Variants in SLC4A10 observed in about 807,000 individuals in gnomAD.
The protein encoded by SLC4A10 is sodium-driven chloride bicarbonate exchanger.
Under a neutral mutation model 137.7 loss-of-function variants are expected in SLC4A10, and 42 were observed. The observed-to-expected ratio is 0.30, with a 90% CI of 0.24 to 0.39. The LOEUF (loss-of-function observed/expected upper bound fraction) is 0.39, where lower values mean the gene tolerates loss of function less well. Ranked by LOEUF, SLC4A10 falls within the 10% of genes least tolerant of loss-of-function variation. The pLI, the probability that SLC4A10 is intolerant of heterozygous loss-of-function variation, is 1.00. For synonymous variants in SLC4A10, 474 were observed against 464.1 expected (o/e 1.02, Z -0.27); for missense variants, 925 against 1,355.0 (o/e 0.68, Z 4.98).
At chr2:161,906,899 C>T (rs941625346) in intron 15 of SLC4A10, among the ~76,000 whole-genome samples, 5 of 151,400 alleles carry the variant, frequency 3.3e-5, no homozygotes, top group African/African-American at 1.2e-4. Context: ...CTAAAAAACA[C>T]AAAAAAATTA....
chr2:161,942,723 A>G, intron 15 of SLC4A10, 69 bp from the exon 16 acceptor site: 2 of 1,175,478 alleles, frequency 1.7e-6, no homozygotes, highest in African/African-American at 1.5e-5. Flanking sequence ...TGGAGCCGTT[A>G]TACATTAGTC....
intron 15 of SLC4A10, among the ~76,000 whole-genome samples, chr2:161,925,802 A>T (rs368643281): frequency 6.6e-6 from 1 of 151,784 alleles, no homozygotes; most frequent in African/African-American, 2.4e-5. Context: ...CCTTCATTTC[A>T]TTATGTACCC....
intron 3 of SLC4A10, among the ~76,000 whole-genome samples, chr2:161,809,197 C>T (rs781010636): frequency 7.2e-5 from 11 of 151,948 alleles, no homozygotes; most frequent in Admixed American, 1.3e-4. Context: ...AGTGTCTGTT[C>T]GTGTCCTTTG....
intron 11 of SLC4A10, among the ~76,000 whole-genome samples, chr2:161,895,102 C>A (rs2063323671): frequency 6.8e-6 from 1 of 146,114 alleles, no homozygotes; most frequent in Non-Finnish European, 1.5e-5. Context: ...TGTGATGTTC[C>A]CCTTCCTGTG....
intron 1 of SLC4A10, among the ~76,000 whole-genome samples, chr2:161,626,743 T>G (rs895740634): frequency 6.6e-6 from 1 of 152,162 alleles, no homozygotes; most frequent in South Asian, 2.1e-4. Flanking sequence ...GATCACCCAG[T>G]GATGAAACCA....
intron 6 of SLC4A10, among the ~76,000 whole-genome samples, chr2:161,867,884 A>C (rs191349633): frequency 4.3e-4 from 65 of 151,750 alleles, no homozygotes; most frequent in Admixed American, 4.1e-3. Flanking sequence ...GGCTCATCTC[A>C]TCTCTGTACC....
At chr2:161,672,497 C>T (rs2039841728) in intron 1 of SLC4A10, among the ~76,000 whole-genome samples, 1 of 150,716 alleles carries the variant, frequency 6.6e-6, no homozygotes, top group Admixed American at 6.6e-5. Context: ...TAACAAGACC[C>T]TGTCTAAAAA....
At chr2:161,874,278 TAAA>T (rs985474727) in intron 8 of SLC4A10, among the ~76,000 whole-genome samples, 30 of 152,340 alleles carry the variant, frequency 2.0e-4, no homozygotes, top group African/African-American at 5.3e-4. Flanking sequence ...ATTAACAACA[TAAA>T]GAAGGCATAT....
chr2:161,790,020 T>C (rs2125527533), intron 2 of SLC4A10, among the ~76,000 whole-genome samples: 1 of 152,284 alleles, frequency 6.6e-6, no homozygotes, highest in Non-Finnish European at 1.5e-5. Context: ...GTACAGAAGA[T>C]TAAATGACTT....
chr2:161,829,879 A>G (rs1344929975), intron 3 of SLC4A10, among the ~76,000 whole-genome samples: 5 of 152,070 alleles, frequency 3.3e-5, no homozygotes, highest in Admixed American at 2.0e-4. Context: ...GAGCCAAGCA[A>G]AAGGGGTTTC....
intron 1 of SLC4A10, among the ~76,000 whole-genome samples, chr2:161,722,706 G>T (rs754342345): frequency 3.3e-5 from 5 of 152,198 alleles, no homozygotes; most frequent in Non-Finnish European, 7.3e-5. Flanking sequence ...GGCAGAGCTG[G>T]TGCACTGCTC....
intron 20 of SLC4A10, among the ~76,000 whole-genome samples, chr2:161,958,253 G>A (rs1302342326): frequency 1.3e-5 from 2 of 151,968 alleles, no homozygotes; most frequent in African/African-American, 4.8e-5. Context: ...CAACCCTATT[G>A]TTATCATCTC....
intron 3 of SLC4A10, among the ~76,000 whole-genome samples, chr2:161,816,276 A>C (rs1450086432): frequency 6.6e-6 from 1 of 152,192 alleles, no homozygotes; most frequent in African/African-American, 2.4e-5. Flanking sequence ...CAGGTGCCTC[A>C]AAATTCTTTG....
At chr2:161,919,188 C>A (rs1687688561) in intron 15 of SLC4A10, among the ~76,000 whole-genome samples, 1 of 152,188 alleles carries the variant, frequency 6.6e-6, no homozygotes, top group South Asian at 2.1e-4. Flanking sequence ...CACTGACAAG[C>A]ATGAGATGGA....
At chr2:161,968,159 C>G (rs1247906406) in intron 23 of SLC4A10, among the ~76,000 whole-genome samples, 1 of 152,116 alleles carries the variant, frequency 6.6e-6, no homozygotes, top group East Asian at 1.9e-4. Context: ...TTCAGATTCT[C>G]CTTTTATTTT....
At chr2:161,632,773 T>C (rs947286995) in intron 1 of SLC4A10, among the ~76,000 whole-genome samples, 1 of 151,542 alleles carries the variant, frequency 6.6e-6, no homozygotes, top group African/African-American at 2.4e-5. Flanking sequence ...AAAAAACCTC[T>C]AGGTGATTCT....
chr2:161,894,067 TA>T (rs2063195442), intron 10 of SLC4A10, among the ~76,000 whole-genome samples: 1 of 152,032 alleles, frequency 6.6e-6, no homozygotes, highest in Non-Finnish European at 1.5e-5. Context: ...GGGGATCCTC[TA>T]AATATAGGAG....
chr2:161,914,978 T>G (rs1239849016), intron 15 of SLC4A10, among the ~76,000 whole-genome samples: 1 of 152,152 alleles, frequency 6.6e-6, no homozygotes, highest in Non-Finnish European at 1.5e-5. Flanking sequence ...CATCCCTGTG[T>G]GCCTGTTCTC....
intron 1 of SLC4A10, among the ~76,000 whole-genome samples, chr2:161,641,805 T>C (rs1166881517): frequency 1.3e-5 from 2 of 152,042 alleles, no homozygotes; most frequent in African/African-American, 2.4e-5. Context: ...TAAATCTTTA[T>C]GAGGATAATG....
Sources: gnomAD v4.1 joint callset for allele counts (sites outside exome capture counted in the v4.1 genomes callset) on GRCh38, gnomAD v4.1.1 for gene constraint, MANE v1.5 for transcripts, NCBI Gene and HGNC (gene_info 2026-07-23, HGNC 2026-07-21) for gene names.